SPTLC3: variants seen among roughly 807,000 people sequenced by gnomAD.
SPTLC3 encodes the protein serine palmitoyltransferase long chain base subunit 3.
In SPTLC3, 36 loss-of-function variants were observed where a neutral mutation model predicts 59.3. The observed-to-expected ratio is 0.61, with a 90% CI of 0.47 to 0.80. The LOEUF is 0.80. SPTLC3 is among the 30% of genes least tolerant of loss of function. SPTLC3 has a pLI of 0.00. For missense variants in SPTLC3, 625 were observed against 685.1 expected (o/e 0.91, Z 0.98); for synonymous variants, 257 against 240.8 (o/e 1.07, Z -0.62).
intron 1 of SPTLC3, among the ~76,000 whole-genome samples, chr20:13,014,961 T>A (rs372128544): frequency 2.6e-5 from 4 of 152,104 alleles, no homozygotes; most frequent in African/African-American, 9.6e-5. Flanking sequence ...TGGAAGAAGG[T>A]CTGGATGCGC....
chr20:13,021,561 C>T lies in SPTLC3; in HGVS notation c.117+12177C>T, dbSNP rs553987521. Among the ~76,000 whole-genome samples the T allele has an allele frequency of 8.1e-5, 12 of 148,714 alleles. No individual in the cohort carries two copies. In the South Asian group the frequency reaches 1.3e-3, roughly 16 times the overall value. ...CACAACAGCCCCCCCACCAATCCCC[C>T]GCCACCATCCCCACCTCCACCAAAA... On this transcript the variant is annotated intron_variant, in intron 1 of 11. Transcript: ENST00000399002.
At chr20:13,112,513 C>T (rs537384276) in intron 7 of SPTLC3, among the ~76,000 whole-genome samples, 1 of 152,166 alleles carries the variant, frequency 6.6e-6, no homozygotes, top group African/African-American at 2.4e-5. Context: ...GACCCTACCC[C>T]CTGATGGAGG....
intron 9 of SPTLC3, among the ~76,000 whole-genome samples, chr20:13,150,362 G>C (rs1453522709): frequency 6.6e-6 from 1 of 152,134 alleles, no homozygotes; most frequent in East Asian, 1.9e-4. Context: ...CTGTGTCTAA[G>C]CATATATATA....
At chr20:13,101,731 C>T (rs1452144960) in intron 6 of SPTLC3, among the ~76,000 whole-genome samples, 7 of 151,988 alleles carry the variant, frequency 4.6e-5, no homozygotes, top group East Asian at 1.9e-4. Flanking sequence ...CATATGCACA[C>T]GAGGTACTTG....
chr20:13,080,245 C>A (rs1172011997), intron 4 of SPTLC3, among the ~76,000 whole-genome samples: 2 of 152,038 alleles, frequency 1.3e-5, no homozygotes, highest in Non-Finnish European at 2.9e-5. Flanking sequence ...TGCGGTGACT[C>A]ATGCCTGTAA....
At chr20:13,053,764 T>C (rs938471365) in intron 2 of SPTLC3, among the ~76,000 whole-genome samples, 1 of 151,792 alleles carries the variant, frequency 6.6e-6, no homozygotes. Context: ...AATAGCCAAA[T>C]TGATCAAGCG....
intron 11 of SPTLC3, 97 bp from the exon 12 acceptor site, chr20:13,164,657 C>A: frequency 1.2e-6 from 1 of 856,134 alleles, no homozygotes; most frequent in Non-Finnish European, 1.9e-6. Flanking sequence ...CAAACTAAGA[C>A]TGTGTGTCTT....
At chr20:13,087,502 G>T (rs1346522057) in intron 4 of SPTLC3, among the ~76,000 whole-genome samples, 7 of 152,146 alleles carry the variant, frequency 4.6e-5, no homozygotes, top group Non-Finnish European at 1.0e-4. Context: ...TGTTGCCTAG[G>T]CATTGAATGG....
At chr20:13,076,345 C>T (rs1380442959) in intron 4 of SPTLC3, among the ~76,000 whole-genome samples, 1 of 152,230 alleles carries the variant, frequency 6.6e-6, no homozygotes, top group African/African-American at 2.4e-5. Flanking sequence ...TTCTGGAAAA[C>T]GTGTCTTAAG....
chr20:13,155,528 G>A (rs2038747894), intron 10 of SPTLC3, among the ~76,000 whole-genome samples: 1 of 152,082 alleles, frequency 6.6e-6, no homozygotes, highest in African/African-American at 2.4e-5. Flanking sequence ...ATCACAAGCA[G>A]TTAAAACACA....
At chr20:13,036,243 A>AT (rs545375692) in intron 1 of SPTLC3, among the ~76,000 whole-genome samples, 1 of 151,920 alleles carries the variant, frequency 6.6e-6, no homozygotes, top group Non-Finnish European at 1.5e-5. Context: ...TTATACACTG[A>AT]TTTTTTTTCA....
chr20:13,094,057 C>A (rs763597177), intron 6 of SPTLC3, among the ~76,000 whole-genome samples: 2 of 152,150 alleles, frequency 1.3e-5, no homozygotes, highest in Non-Finnish European at 2.9e-5. Context: ...TTGAAATGTC[C>A]TTTCAGGGTC....
intron 1 of SPTLC3, among the ~76,000 whole-genome samples, chr20:13,028,591 T>C (rs1449122022): frequency 1.3e-5 from 2 of 152,202 alleles, no homozygotes; most frequent in African/African-American, 2.4e-5. Context: ...ATATATCATT[T>C]TTAAATTTTA....
At chr20:13,028,476 C>A (rs569577750) in intron 1 of SPTLC3, among the ~76,000 whole-genome samples, 133 of 152,182 alleles carry the variant, frequency 8.7e-4, no homozygotes, top group African/African-American at 3.1e-3. Flanking sequence ...CATAAATTCA[C>A]CCTAAAAGAT....
intron 4 of SPTLC3, among the ~76,000 whole-genome samples, chr20:13,089,315 A>G (rs936716736): frequency 1.3e-5 from 2 of 152,162 alleles, no homozygotes; most frequent in African/African-American, 4.8e-5. Flanking sequence ...TTTATCTGTT[A>G]TGTTATATCA....
intron 9 of SPTLC3, among the ~76,000 whole-genome samples, chr20:13,148,097 G>T (rs930352856): frequency 7.2e-5 from 11 of 152,174 alleles, no homozygotes; most frequent in African/African-American, 2.7e-4. Context: ...GGTCATTCTG[G>T]TAGTTTCAGC....
intron 11 of SPTLC3, among the ~76,000 whole-genome samples, chr20:13,163,864 C>T (rs2038944760): frequency 6.6e-6 from 1 of 152,280 alleles, no homozygotes; most frequent in South Asian, 2.1e-4. Flanking sequence ...ACCAATACCA[C>T]AGGATTGGTG....
At chr20:13,146,247 A>G (rs1231516929) in intron 9 of SPTLC3, among the ~76,000 whole-genome samples, 5 of 152,150 alleles carry the variant, frequency 3.3e-5, no homozygotes, top group Non-Finnish European at 7.3e-5. Flanking sequence ...AACACAAAGA[A>G]GGAAACAACA....
At chr20:13,073,946 C>T in intron 3 of SPTLC3, 1 of 586,766 alleles carries the variant, frequency 1.7e-6, no homozygotes, top group East Asian at 4.4e-5. Flanking sequence ...GGAGGTGTGG[C>T]ACCTGAGTGG....
Sources: allele counts gnomAD v4.1 joint callset (sites outside exome capture counted in the v4.1 genomes callset), GRCh38; gene constraint gnomAD v4.1.1; transcripts MANE v1.5; gene names NCBI Gene and HGNC (gene_info 2026-07-23, HGNC 2026-07-21).